Variants in DMRT1 observed in about 807,000 individuals in gnomAD.
The protein encoded by DMRT1 is doublesex and mab-3 related transcription factor 1.
In DMRT1, 7 loss-of-function variants were observed where a neutral mutation model predicts 32.3. That is an observed-to-expected ratio of 0.22 (90% confidence interval 0.12 to 0.41). The LOEUF (loss-of-function observed/expected upper bound fraction) is 0.41. Ranked by LOEUF, DMRT1 falls within the 10% of genes least tolerant of loss-of-function variation. The probability of loss-of-function intolerance (pLI) is 1.00; values close to 1 mark genes in which losing one functional copy is unlikely to be tolerated. For synonymous variants in DMRT1, 278 were observed against 206.1 expected, an observed-to-expected ratio of 1.35 and a Z score of -2.99; for missense variants, 625 against 500.5, an observed-to-expected ratio of 1.25 and a Z score of -2.37.
Position 900,496 on chromosome 9 carries a change from T to C in DMRT1, c.822+6301T>C, listed in dbSNP as rs112511414. Among the ~76,000 whole-genome samples the C allele has an allele frequency of 4.3e-3, 647 of 152,102 alleles. 2 individuals are homozygous for C. The highest frequency in any genetic ancestry group is 0.015 in the African/African-American group (623 of 41,472). ...TGCTGTGTGGGGGTGGCCAGAGCACTCTCTGCAGCTGTGCCATATTTGTGC... is the reference window on the plus strand; with the variant it reads ...TGCTGTGTGGGGGTGGCCAGAGCACCCTCTGCAGCTGTGCCATATTTGTGC... On this transcript the variant is annotated intron_variant, in intron 3 of 4. Coordinates refer to ENST00000382276, the MANE Select transcript of DMRT1 (RefSeq NM_021951.3).
At chr9:959,613 T>C (rs1437765016) in intron 4 of DMRT1, among the ~76,000 whole-genome samples, 4 of 152,194 alleles carry the variant, frequency 2.6e-5, no homozygotes, top group South Asian at 2.1e-4. Flanking sequence ...ACTGCCACTC[T>C]GCCTCCTGGG....
chr9:926,467 A>T (rs1818526845), intron 4 of DMRT1, among the ~76,000 whole-genome samples: 1 of 152,086 alleles, frequency 6.6e-6, no homozygotes, highest in Non-Finnish European at 1.5e-5. Flanking sequence ...TCTACTTGTT[A>T]TTTTATTGTT....
intron 3 of DMRT1, among the ~76,000 whole-genome samples, chr9:897,213 A>G (rs1000523559): frequency 2.6e-5 from 4 of 151,666 alleles, no homozygotes; most frequent in African/African-American, 9.7e-5. Context: ...CCTGGGTTCA[A>G]GTGATTCTCC....
At chr9:957,500 T>C (rs924465361) in intron 4 of DMRT1, among the ~76,000 whole-genome samples, 2 of 152,230 alleles carry the variant, frequency 1.3e-5, no homozygotes, top group African/African-American at 4.8e-5. Flanking sequence ...ATGTGAACCA[T>C]TCCTAAACAG....
Position 853,672 on chromosome 9 carries a change from T to C in DMRT1, c.538+6529T>C, listed in dbSNP as rs143488999. Among the ~76,000 whole-genome samples, 482 of 152,130 alleles carry C rather than the reference T, an allele frequency of 3.2e-3. 3 individuals are homozygous for C. Among genetic ancestry groups the C allele is most frequent in the Middle Eastern group, 6.8e-3 (2 of 294 alleles). ...ATTTTAAATTAGCCACTCCCACTAA[T>C]TTTTATATCTTTGGTAGAGACAGGG... On this transcript the variant is annotated intron_variant, in intron 2 of 4. Transcript: ENST00000382276.
chr9:873,895 C>T (rs1185839805), intron 2 of DMRT1, among the ~76,000 whole-genome samples: 2 of 152,166 alleles, frequency 1.3e-5, no homozygotes, highest in African/African-American at 4.8e-5. Flanking sequence ...CCTTCTAGTA[C>T]TCCCCCCAAA....
chr9:894,623 C>T, intron 3 of DMRT1: 2 of 292,908 alleles, frequency 6.8e-6, no homozygotes, highest in South Asian at 7.2e-5. Flanking sequence ...TGGGTAAAGC[C>T]TTCTGGGTGG....
At chr9:860,197 T>A (rs188876145) in intron 2 of DMRT1, among the ~76,000 whole-genome samples, 228 of 152,196 alleles carry the variant, frequency 1.5e-3, no homozygotes, top group African/African-American at 5.3e-3. Flanking sequence ...CTTGGGAGGC[T>A]GGGGCAGGAG....
chr9:870,421 C>A (rs1045418136), intron 2 of DMRT1, among the ~76,000 whole-genome samples: 5 of 151,652 alleles, frequency 3.3e-5, no homozygotes, highest in African/African-American at 4.9e-5. Context: ...ACAATAACAA[C>A]AACAACATAG....
At chr9:851,380 A>G (rs1406258987) in intron 2 of DMRT1, among the ~76,000 whole-genome samples, 1 of 151,914 alleles carries the variant, frequency 6.6e-6, no homozygotes, top group Non-Finnish European at 1.5e-5. Flanking sequence ...CTGAGATTAC[A>G]GGCGTGCGTG....
chr9:847,040 G>A lies in DMRT1; in HGVS notation c.435G>A (p.Leu145=), dbSNP rs1481508836. 1.2e-6 allele frequency: 2 copies of A among 1,614,112 alleles called. No homozygotes were observed. The highest frequency in any genetic ancestry group is 8.5e-7 in the Non-Finnish European group (1 of 1,180,036). ...HPIPLPSAAE[L]LVKRENNGSN... ...TCCCACTGCCCAGTGCGGCCGAGCTGCTTGTCAAAAGAGAGAACAATGGCA... is the reference window on the plus strand; with the variant it reads ...TCCCACTGCCCAGTGCGGCCGAGCTACTTGTCAAAAGAGAGAACAATGGCA... Residue 145 remains leucine, a synonymous_variant, in exon 2 of 5, where the codon CTG becomes CTA. Coordinates refer to ENST00000382276, the MANE Select transcript of DMRT1 (RefSeq NM_021951.3).
chr9:909,792 A>G (rs538957284), intron 3 of DMRT1, among the ~76,000 whole-genome samples: 3 of 152,280 alleles, frequency 2.0e-5, no homozygotes, highest in South Asian at 4.1e-4. Context: ...AGCTTACTGC[A>G]GCCTTGACCT....
intron 2 of DMRT1, among the ~76,000 whole-genome samples, chr9:881,311 G>C (rs1286829947): frequency 6.6e-6 from 1 of 152,198 alleles, no homozygotes; most frequent in African/African-American, 2.4e-5. Context: ...ATAATCTTGA[G>C]TTGAACGGAA....
At chr9:952,591 C>G (rs766025854) in intron 4 of DMRT1, among the ~76,000 whole-genome samples, 153 of 152,258 alleles carry the variant, frequency 1.0e-3, no homozygotes, top group Non-Finnish European at 1.4e-3. Flanking sequence ...TAGCAGATTA[C>G]TTATGCTTGA....
intron 2 of DMRT1, among the ~76,000 whole-genome samples, chr9:879,644 G>A (rs967397728): frequency 2.0e-5 from 3 of 152,178 alleles, no homozygotes; most frequent in Non-Finnish European, 4.4e-5. Flanking sequence ...AAGATTAGTT[G>A]TGATGTGGAA....
Position 879,526 on chromosome 9 carries a change from G to C in DMRT1, c.539-14386G>C, listed in dbSNP as rs183885561. Among the ~76,000 whole-genome samples, 8 of 152,282 alleles carry C rather than the reference G, an allele frequency of 5.3e-5. No homozygotes were observed. The East Asian group carries it at 1.4e-3, about 26-fold the overall frequency. On this transcript the variant is annotated intron_variant, in intron 2 of 4. Transcript: ENST00000382276. ...AATGGAAATACAGGAAGAAAATTCA[G>C]CTTCACGTAGATAGTTAGAAGAGGG... is the stretch of plus-strand genomic sequence containing the variant.
At chr9:884,149 C>G (rs749273291) in intron 2 of DMRT1, among the ~76,000 whole-genome samples, 36 of 151,630 alleles carry the variant, frequency 2.4e-4, no homozygotes, top group Non-Finnish European at 4.6e-4. Flanking sequence ...GATTTGAACA[C>G]AAAGGACTCA....
At chr9:860,559 G>C (rs1454340253) in intron 2 of DMRT1, among the ~76,000 whole-genome samples, 1 of 152,064 alleles carries the variant, frequency 6.6e-6, no homozygotes, top group Non-Finnish European at 1.5e-5. Context: ...AGGATATATA[G>C]CAGTGCATAT....
rs148647817 is a variant in DMRT1, at chr9:965,310, T to C, written c.968-2675T>C. ...ATGTAAAAATAGCATGGGTTTAAATTTTGAGTGGAGAAACACTATAAACAA... is the reference window on the plus strand; with the variant it reads ...ATGTAAAAATAGCATGGGTTTAAATCTTGAGTGGAGAAACACTATAAACAA... On this transcript the variant is annotated intron_variant, in intron 4 of 4. Transcript: ENST00000382276. This position sits in a 1 kb window ranked among gnomAD's most constrained non-coding sequence, Gnocchi z 4.5. Among the ~76,000 whole-genome samples, 492 of 152,316 alleles carry C rather than the reference T, an allele frequency of 3.2e-3. 4 individuals carry two copies. The highest frequency in any genetic ancestry group is 0.011 in the African/African-American group (473 of 41,572).
Sources: allele counts gnomAD v4.1 joint callset (sites outside exome capture counted in the v4.1 genomes callset), GRCh38; gene constraint gnomAD v4.1.1; non-coding constraint Gnocchi (gnomAD v3.1); transcripts MANE v1.5; gene names NCBI Gene and HGNC (gene_info 2026-07-23, HGNC 2026-07-21).